The following COL24A1 variants were observed in gnomAD, a reference collection of about 807,000 sequenced individuals.
COL24A1 encodes collagen alpha-1(XXIV) chain.
In COL24A1, 224 loss-of-function variants were observed where a neutral mutation model predicts 253.9. The observed-to-expected ratio is 0.88, with a 90% CI of 0.79 to 0.99. The LOEUF (loss-of-function observed/expected upper bound fraction) is 0.99. COL24A1 is among the 50% of genes least tolerant of loss of function. COL24A1 has a pLI of 0.00. For synonymous variants in COL24A1, 685 were observed against 673.7 expected (o/e 1.02, Z -0.26); for missense variants, 2,131 against 2,068.5 (o/e 1.03, Z -0.59).
intron 7 of COL24A1, among the ~76,000 whole-genome samples, chr1:86,068,080 A>G (rs1175966118): frequency 6.6e-6 from 1 of 152,274 alleles, no homozygotes; most frequent in Non-Finnish European, 1.5e-5. Context: ...AAAGGAGGGC[A>G]GAGCAAGATG....
chr1:86,068,827 A>G (rs1701668723), intron 7 of COL24A1, among the ~76,000 whole-genome samples: 2 of 152,192 alleles, frequency 1.3e-5, no homozygotes, highest in East Asian at 1.9e-4. Context: ...TGAGGCCCCC[A>G]TTTGAGGCCC....
At chr1:85,824,418 T>C (rs1381413296) in intron 43 of COL24A1, among the ~76,000 whole-genome samples, 3 of 152,334 alleles carry the variant, frequency 2.0e-5, no homozygotes, top group East Asian at 1.9e-4. Flanking sequence ...GAAACTAATA[T>C]AGTCAATAAC....
At chr1:86,108,949 T>G (rs968947837) in intron 5 of COL24A1, among the ~76,000 whole-genome samples, 1 of 152,232 alleles carries the variant, frequency 6.6e-6, no homozygotes, top group African/African-American at 2.4e-5. Flanking sequence ...TCTGCCTTTT[T>G]AATGGGCAAA....
chr1:86,098,731 C>T (rs559789276), intron 5 of COL24A1, among the ~76,000 whole-genome samples: 1 of 152,210 alleles, frequency 6.6e-6, no homozygotes, highest in African/African-American at 2.4e-5. Flanking sequence ...TAAGGTGACT[C>T]TTTTGGTAAA....
chr1:85,816,836 A>T lies in COL24A1; in HGVS notation c.3903T>A (p.Ile1301=), dbSNP rs1303073082. ...GCCCAATTTTTCCAGGGTTTCCTGA[A>T]ATGCCATCTGCTCCATGGTATCCTT... ...GIQGYHGADG[I]SGNPGKIGPP... Residue 1301 remains isoleucine, a synonymous_variant, in exon 47 of 60, where the codon ATT becomes ATA. Coordinates refer to ENST00000370571, the MANE Select transcript of COL24A1 (RefSeq NM_152890.7). The T allele has an allele frequency of 6.2e-7, 1 of 1,614,058 alleles. No homozygotes were observed. Among genetic ancestry groups the T allele is most frequent in the East Asian group, 2.2e-5 (1 of 44,868 alleles).
chr1:85,817,654 G>A (rs1444905169), intron 46 of COL24A1, among the ~76,000 whole-genome samples: 1 of 151,910 alleles, frequency 6.6e-6, no homozygotes, highest in Non-Finnish European at 1.5e-5. Flanking sequence ...AGAATGAGAG[G>A]CTGAGTCCTC....
chr1:85,902,672 G>A (rs1362120744), intron 28 of COL24A1, among the ~76,000 whole-genome samples: 4 of 152,126 alleles, frequency 2.6e-5, no homozygotes, highest in African/African-American at 9.7e-5. Context: ...ATCTCTGGCT[G>A]CCCTACACAC....
At chr1:85,868,391 C>T (rs997562272) in intron 37 of COL24A1, 128 bp downstream of exon 37, 1 of 557,154 alleles carries the variant, frequency 1.8e-6, no homozygotes. Flanking sequence ...TCTCTCTAGC[C>T]ACAGTTTCAC....
intron 7 of COL24A1, among the ~76,000 whole-genome samples, chr1:86,066,231 C>CTA (rs1701468850): frequency 1.2e-5 from 1 of 85,516 alleles, no homozygotes; most frequent in Non-Finnish European, 2.2e-5. Context: ...CCTAAGTCTC[C>CTA]TTTTTTTTTT....
intron 24 of COL24A1, among the ~76,000 whole-genome samples, chr1:85,915,264 T>C (rs559010686): frequency 6.6e-6 from 1 of 152,350 alleles, no homozygotes; most frequent in East Asian, 1.9e-4. Context: ...TGACTCCTAG[T>C]TCTCAGGCCT....
At chr1:85,873,209 T>G (rs537544529) in intron 35 of COL24A1, among the ~76,000 whole-genome samples, 27 of 152,030 alleles carry the variant, frequency 1.8e-4, no homozygotes, top group Non-Finnish European at 3.4e-4. Flanking sequence ...GGAGGATGTG[T>G]AGAAATAGGA....
chr1:85,828,099 C>G (rs1353466766), intron 43 of COL24A1, among the ~76,000 whole-genome samples: 2 of 152,064 alleles, frequency 1.3e-5, no homozygotes, highest in Non-Finnish European at 2.9e-5. Context: ...TTGAATGCAT[C>G]CCAGAGATTC....
chr1:85,867,808 G>A (rs542829463), intron 37 of COL24A1, among the ~76,000 whole-genome samples: 2 of 152,186 alleles, frequency 1.3e-5, no homozygotes, highest in South Asian at 2.1e-4. Flanking sequence ...GTAGTGACAC[G>A]ATCTTGGCTC....
At chr1:85,842,424 G>C in intron 39 of COL24A1, 31 bp from the exon 40 acceptor site, 1 of 1,423,564 alleles carries the variant, frequency 7.0e-7, no homozygotes, top group Non-Finnish European at 9.8e-7. Context: ...TAGTGAGAGA[G>C]AGAAAGTAAA....
chr1:85,870,509 A>G (rs1286213716), intron 35 of COL24A1, among the ~76,000 whole-genome samples: 1 of 152,256 alleles, frequency 6.6e-6, no homozygotes, highest in Non-Finnish European at 1.5e-5. Flanking sequence ...CTCAGACCAC[A>G]GTGCAATCAA....
chr1:85,743,291 A>G (rs903176855), intron 57 of COL24A1, among the ~76,000 whole-genome samples: 2 of 152,086 alleles, frequency 1.3e-5, no homozygotes, highest in African/African-American at 4.8e-5. Context: ...TGCTAATTCT[A>G]AAACTTGCTA....
intron 2 of COL24A1, among the ~76,000 whole-genome samples, chr1:86,127,669 A>G (rs1648520356): frequency 1.0e-5 from 1 of 97,576 alleles, no homozygotes; most frequent in South Asian, 2.6e-4. Context: ...CAGAATTGTG[A>G]TAAGTGAAAA....
At chr1:86,072,695 AC>A (rs956659650) in intron 7 of COL24A1, among the ~76,000 whole-genome samples, 13 of 151,926 alleles carry the variant, frequency 8.6e-5, no homozygotes, top group African/African-American at 2.9e-4. Flanking sequence ...ATTGGGAGAC[AC>A]CTCCCAGCAG....
chr1:85,992,715 T>G (rs756514926), intron 19 of COL24A1, among the ~76,000 whole-genome samples: 74 of 152,310 alleles, frequency 4.9e-4, no homozygotes, highest in Non-Finnish European at 4.0e-4. Flanking sequence ...CTCTAATTCA[T>G]TTTTATAAAT....
Sources: gnomAD v4.1 joint callset for allele counts (sites outside exome capture counted in the v4.1 genomes callset) on GRCh38, gnomAD v4.1.1 for gene constraint, MANE v1.5 for transcripts, NCBI Gene and HGNC (gene_info 2026-07-23, HGNC 2026-07-21) for gene names.